The following ZC3HC1 variants were observed in gnomAD, a reference collection of about 807,000 sequenced individuals.
ZC3HC1 encodes the protein zinc finger C3HC-type containing 1, also known as zinc finger C3HC-type protein 1.
A neutral mutation model predicts 61.9 loss-of-function variants in ZC3HC1; 38 were observed. That is an observed-to-expected ratio of 0.61 (90% confidence interval 0.47 to 0.81). ZC3HC1 has a LOEUF of 0.81. ZC3HC1 is among the 30% of genes least tolerant of loss of function. ZC3HC1 has a pLI of 0.00. For missense variants in ZC3HC1, 554 were observed against 622.7 expected, an observed-to-expected ratio of 0.89 and a Z score of 1.17; for synonymous variants, 213 against 229.9, an observed-to-expected ratio of 0.93 and a Z score of 0.67.
At chr7:130,049,257 C>T (rs1176889512) in intron 1 of ZC3HC1, 113 bp from the exon 2 acceptor site, 4 of 655,652 alleles carry the variant, frequency 6.1e-6, no homozygotes, top group Non-Finnish European at 6.9e-6. Flanking sequence ...GGATTTTAAG[C>T]TTCCTAAAAA....
At chr7:130,024,627 G>C in intron 6 of ZC3HC1, 121 bp from the exon 7 acceptor site, 1 of 1,131,778 alleles carries the variant, frequency 8.8e-7, no homozygotes, top group Non-Finnish European at 1.2e-6. Flanking sequence ...TGTCCTATCA[G>C]AGCCTCTGTG....
At chr7:130,030,215 C>T (rs1167755145) in intron 4 of ZC3HC1, among the ~76,000 whole-genome samples, 1 of 128,464 alleles carries the variant, frequency 7.8e-6, no homozygotes, top group Non-Finnish European at 1.6e-5. Context: ...TTTTTTTTTT[C>T]CGAGACAGAG....
In ZC3HC1 at chr7:130,023,958, C is replaced by T. The variant is rs1367256754; in HGVS notation, c.1021-235G>A. ...GGGATTACAGGTGCCTGCCACCACA[C>T]CTGGCTAATTTTTGCATTTTTGGTA... is the stretch of plus-strand genomic sequence containing the variant. On this transcript the variant is annotated intron_variant, in intron 7 of 9. Coordinates refer to ENST00000358303, the MANE Select transcript of ZC3HC1 (RefSeq NM_016478.5). This position sits in a 1 kb window ranked among gnomAD's most constrained non-coding sequence, Gnocchi z 4.2. 1.3e-5 allele frequency among the ~76,000 whole-genome samples: 2 copies of T among 152,028 alleles called. No individual in the cohort carries two copies. Among genetic ancestry groups the T allele is most frequent in the Non-Finnish European group, 2.9e-5 (2 of 68,030 alleles).
chr7:130,030,195 CT>C (rs58731959), intron 4 of ZC3HC1, among the ~76,000 whole-genome samples: 110,296 of 115,486 alleles, frequency 0.96, 52,807 homozygotes, highest in South Asian at 0.98. Flanking sequence ...CTGAATCAGC[CT>C]TTTTTTTTTT....
At position 130,049,021 on chromosome 7, in the gene ZC3HC1, A is replaced by G. The variant is rs1166418749; in HGVS notation, c.258+12T>C. 6.3e-7 allele frequency: 1 copy of G among 1,582,748 alleles called. No homozygotes were observed. The highest frequency in any genetic ancestry group is 8.6e-7 in the Non-Finnish European group (1 of 1,163,684). ...GCAGAAAGTGCAATTCACATGAACT[A>G]AAAAAGGATATAGAAAATGTTTCCA... On this transcript the variant is annotated intron_variant, in intron 2 of 9. Coordinates refer to ENST00000358303, the MANE Select transcript of ZC3HC1 (RefSeq NM_016478.5).
chr7:130,026,536 C>T (rs1355217831), intron 5 of ZC3HC1: 7 of 420,912 alleles, frequency 1.7e-5, no homozygotes, highest in African/African-American at 1.0e-4. Flanking sequence ...GATGGAGTCT[C>T]CCTGGAACTG....
At chr7:130,044,536 A>G (rs1258987226) in intron 2 of ZC3HC1, among the ~76,000 whole-genome samples, 1 of 152,204 alleles carries the variant, frequency 6.6e-6, no homozygotes, top group African/African-American at 2.4e-5. Flanking sequence ...CAACTGGAGT[A>G]TCAAAATATA....
chr7:130,033,208 A>AT (rs1402786856), intron 4 of ZC3HC1, among the ~76,000 whole-genome samples: 1 of 151,902 alleles, frequency 6.6e-6, no homozygotes, highest in Non-Finnish European at 1.5e-5. Flanking sequence ...AATTTTTTGT[A>AT]TTTTTTGTAG....
chr7:130,047,535 G>A (rs934000415), intron 2 of ZC3HC1, among the ~76,000 whole-genome samples: 1 of 152,068 alleles, frequency 6.6e-6, no homozygotes, highest in African/African-American at 2.4e-5. Flanking sequence ...GCCAGGTTTG[G>A]CGGCTCAGGC....
chr7:130,051,341 G>A lies in ZC3HC1; in HGVS notation c.26C>T (p.Ala9Val), dbSNP rs774267581. Residue 9 changes from alanine to valine, a missense_variant, in exon 1 of 10, where the codon GCG becomes GTG. By Grantham distance (64) the Ala-to-Val change is moderately conservative (BLOSUM62 0). Coordinates refer to ENST00000358303, the MANE Select transcript of ZC3HC1 (RefSeq NM_016478.5). ...ATTCTTTTCAACCCCTACGGCAAAC[G>A]CTTGTCCCTCACAGGGCGCCGCCAT... MAAPCEGQ[A>V]FAVGVEKNWG... is the part of the protein sequence containing the mutation. The A allele has an allele frequency of 4.3e-5, 69 of 1,613,002 alleles. No homozygotes were observed. The highest frequency in any genetic ancestry group is 5.8e-5 in the Non-Finnish European group (68 of 1,179,508).
chr7:130,019,006 A>C (rs1365408309), intron 9 of ZC3HC1, among the ~76,000 whole-genome samples: 1 of 151,212 alleles, frequency 6.6e-6, no homozygotes, highest in Non-Finnish European at 1.5e-5. Context: ...CTTGAGGATG[A>C]CACTTCTGAC....
intron 2 of ZC3HC1, 45 bp from the exon 3 acceptor site, chr7:130,041,146 GTGTGTGTA>G (rs759931679): frequency 2.0e-4 from 265 of 1,329,356 alleles, no homozygotes; most frequent in Middle Eastern, 4.1e-4. Context: ...ATATATATAT[GTGTGTGTA>G]TGTGTGTGTG....
At chr7:130,019,818 T>G (rs1182537184) in intron 9 of ZC3HC1, among the ~76,000 whole-genome samples, 2 of 141,636 alleles carry the variant, frequency 1.4e-5, no homozygotes, top group African/African-American at 5.3e-5. Context: ...GGTTTTTTTT[T>G]TTTTTTTTTT....
At chr7:130,035,746 T>C (rs1363260643) in intron 4 of ZC3HC1, among the ~76,000 whole-genome samples, 1 of 152,194 alleles carries the variant, frequency 6.6e-6, no homozygotes, top group Non-Finnish European at 1.5e-5. Flanking sequence ...CCTTCCAGAC[T>C]GCTGGAATCA....
intron 5 of ZC3HC1, among the ~76,000 whole-genome samples, chr7:130,028,304 G>A (rs1299018897): frequency 6.6e-6 from 1 of 151,886 alleles, no homozygotes; most frequent in Admixed American, 6.6e-5. Context: ...CACTTTGGGA[G>A]GCCGAGGCAG....
intron 5 of ZC3HC1, among the ~76,000 whole-genome samples, chr7:130,027,643 A>T (rs1045261938): frequency 2.6e-5 from 4 of 151,814 alleles, no homozygotes; most frequent in Admixed American, 2.6e-4. Flanking sequence ...TCAGCCTCCC[A>T]GGTAGCTGGG....
chr7:130,034,179 T>C (rs1185003741), intron 4 of ZC3HC1, among the ~76,000 whole-genome samples: 1 of 151,430 alleles, frequency 6.6e-6, no homozygotes, highest in East Asian at 1.9e-4. Context: ...CATTTCCTTT[T>C]TTTTTTTTTT....
Position 130,034,426 on chromosome 7 carries a change from A to G in ZC3HC1, c.493+5038T>C, listed in dbSNP as rs891049936. On this transcript the variant is annotated intron_variant, in intron 4 of 9. Transcript: ENST00000358303. ...CGTGAACCCGGGAGGCAGAGCTTGC[A>G]GTGAGCCGAGACCCTGCCACTGCAC... Among the ~76,000 whole-genome samples the G allele has an allele frequency of 4.6e-5, 6 of 129,992 alleles. No individual in the cohort carries two copies. The East Asian group carries it at 1.6e-3, about 34-fold the overall frequency. The allele number at this position is 129,992 out of a possible 152,430, so 85.3% of individuals were successfully genotyped here.
At chr7:130,048,336 A>G (rs1297647017) in intron 2 of ZC3HC1, among the ~76,000 whole-genome samples, 11 of 151,312 alleles carry the variant, frequency 7.3e-5, no homozygotes, top group Admixed American at 5.9e-4. Context: ...GTTTTGTTTT[A>G]TTTTATTTTA....
Sources: gnomAD v4.1 joint callset for allele counts (sites outside exome capture counted in the v4.1 genomes callset) on GRCh38, gnomAD v4.1.1 for gene constraint, Gnocchi (gnomAD v3.1) non-coding constraint, MANE v1.5 for transcripts, NCBI Gene and HGNC (gene_info 2026-07-23, HGNC 2026-07-21) for gene names.